The following NAA11 variants were observed in gnomAD, a reference collection of about 807,000 sequenced individuals.
NAA11 encodes the protein N-alpha-acetyltransferase 11.
In NAA11, 15 loss-of-function variants were observed where a neutral mutation model predicts 16.1. The ratio of observed to expected loss-of-function variants is 0.93; its 90% confidence interval spans 0.62 to 1.44. The LOEUF is 1.44. Among genes scored for constraint, NAA11 ranks in the 40% most tolerant of loss-of-function variants. The pLI is 0.00. For missense variants in NAA11, 298 were observed against 291.3 expected, an observed-to-expected ratio of 1.02 and a Z score of -0.17; for synonymous variants, 122 against 112.4, an observed-to-expected ratio of 1.09 and a Z score of -0.54.
intron 2 of NAA11, chr4:79,227,486 A>C (rs1316342019): frequency 1.3e-5 from 2 of 151,972 alleles, no homozygotes; most frequent in African/African-American, 4.8e-5. Context: ...GCCTACCAGC[A>C]GCCAAAGGAG....
At chr4:79,167,194 TATAC>T in the NAA11 span, among the ~76,000 whole-genome samples, 2 of 87,322 alleles carry the variant, frequency 2.3e-5, no homozygotes, top group African/African-American at 8.3e-5. Context: ...ATTTTATATA[TATAC>T]ATACATATAT....
intron 2 of NAA11, among the ~76,000 whole-genome samples, chr4:79,234,317 G>C (rs888796102): frequency 6.6e-6 from 1 of 152,038 alleles, no homozygotes; most frequent in Non-Finnish European, 1.5e-5. Context: ...CCATCAATTT[G>C]CCCCTTGGCA....
At chr4:79,176,595 T>G in the NAA11 span, among the ~76,000 whole-genome samples, 1 of 152,254 alleles carries the variant, frequency 6.6e-6, no homozygotes. Flanking sequence ...AATGCTTTAC[T>G]CAGGTCCACT....
chr4:79,267,497 T>C (rs1234583113), intron 2 of NAA11, among the ~76,000 whole-genome samples: 1 of 152,224 alleles, frequency 6.6e-6, no homozygotes, highest in Non-Finnish European at 1.5e-5. Flanking sequence ...TGGTTTCTTC[T>C]AGTTTTAAGC....
intron 2 of NAA11, among the ~76,000 whole-genome samples, chr4:79,276,533 G>C (rs1174649528): frequency 6.6e-6 from 1 of 152,140 alleles, no homozygotes; most frequent in Non-Finnish European, 1.5e-5. Flanking sequence ...AGCATTCCTT[G>C]GAGACCTGAA....
intron 2 of NAA11, chr4:79,227,555 AAGG>A (rs1268352246): frequency 6.6e-6 from 1 of 151,968 alleles, no homozygotes; most frequent in Non-Finnish European, 1.5e-5. Flanking sequence ...CCCAGAAACC[AAGG>A]AGAAGAGGAT....
At chr4:79,257,651 C>A (rs941825949) in intron 2 of NAA11, among the ~76,000 whole-genome samples, 5 of 151,950 alleles carry the variant, frequency 3.3e-5, no homozygotes, top group African/African-American at 1.2e-4. Flanking sequence ...GGTGTTTGAT[C>A]TTTATTTCAA....
the NAA11 span, among the ~76,000 whole-genome samples, chr4:79,218,429 C>T: frequency 6.6e-6 from 1 of 151,844 alleles, no homozygotes; most frequent in Non-Finnish European, 1.5e-5. Context: ...TATACAACTC[C>T]ATAAAATACT....
the NAA11 span, among the ~76,000 whole-genome samples, chr4:79,210,961 A>T: frequency 2.0e-5 from 3 of 152,156 alleles, no homozygotes. Flanking sequence ...TTGTGCAGTG[A>T]CTTGCAGATA....
intron 2 of NAA11, among the ~76,000 whole-genome samples, chr4:79,283,021 C>T (rs1240695256): frequency 1.3e-5 from 2 of 152,038 alleles, no homozygotes; most frequent in African/African-American, 4.8e-5. Flanking sequence ...GAAGGGTTCA[C>T]CATGGCCAAC....
the NAA11 span, among the ~76,000 whole-genome samples, chr4:79,205,851 C>T: frequency 6.6e-6 from 1 of 151,908 alleles, no homozygotes; most frequent in Non-Finnish European, 1.5e-5. Flanking sequence ...TTTCTAGCAC[C>T]ATTTATTGAA....
chr4:79,314,580 C>T (rs1446474796), downstream of NAA11, among the ~76,000 whole-genome samples: 5 of 146,732 alleles, frequency 3.4e-5, no homozygotes, highest in Non-Finnish European at 7.4e-5. Context: ...TTCTTATCCC[C>T]GGATGGAAAA....
the NAA11 span, among the ~76,000 whole-genome samples, chr4:79,176,400 T>C: frequency 6.6e-6 from 1 of 152,124 alleles, no homozygotes; most frequent in African/African-American, 2.4e-5. Flanking sequence ...GCTCATGTAA[T>C]TGTGGAGGCT....
At chr4:79,243,128 A>G (rs533920314) in intron 2 of NAA11, among the ~76,000 whole-genome samples, 58 of 152,310 alleles carry the variant, frequency 3.8e-4, no homozygotes, top group African/African-American at 1.3e-3. Flanking sequence ...GCTTCCTCAG[A>G]TGCATACATG....
the NAA11 span, among the ~76,000 whole-genome samples, chr4:79,179,191 CT>C: frequency 6.6e-6 from 1 of 151,978 alleles, no homozygotes; most frequent in African/African-American, 2.4e-5. Flanking sequence ...GTATGATATT[CT>C]TGTTTTTTGT....
chr4:79,227,571 T>A (rs1420946141), intron 2 of NAA11: 1 of 151,998 alleles, frequency 6.6e-6, no homozygotes, highest in Non-Finnish European at 1.5e-5. Flanking sequence ...AAGAGGATGT[T>A]GCATGAAGAA....
the NAA11 span, among the ~76,000 whole-genome samples, chr4:79,187,249 A>G: frequency 6.6e-6 from 1 of 152,184 alleles, no homozygotes; most frequent in Admixed American, 6.5e-5. Flanking sequence ...AAGTGAGGCT[A>G]ACGAACATCC....
chr4:79,207,365 G>GT, the NAA11 span, among the ~76,000 whole-genome samples: 1 of 58,280 alleles, frequency 1.7e-5, no homozygotes, highest in Non-Finnish European at 3.9e-5. Context: ...GTTGAATGAG[G>GT]TTAAAAAAAA....
intron 2 of NAA11, among the ~76,000 whole-genome samples, chr4:79,271,745 G>A (rs1246190184): frequency 6.6e-6 from 1 of 152,006 alleles, no homozygotes; most frequent in Non-Finnish European, 1.5e-5. Flanking sequence ...ATATTGTACA[G>A]TAGAAATTAG....
Sources: allele counts gnomAD v4.1 joint callset (sites outside exome capture counted in the v4.1 genomes callset), GRCh38; gene constraint gnomAD v4.1.1; transcripts MANE v1.5; gene names NCBI Gene and HGNC (gene_info 2026-07-23, HGNC 2026-07-21).